SLC22A14: variants seen among roughly 807,000 people sequenced by gnomAD.
SLC22A14 encodes organic cation transporter-like 4.
SLC22A14 carries 50 observed loss-of-function variants against 53.9 expected under a neutral mutation model. The ratio of observed to expected loss-of-function variants is 0.93; its 90% CI spans 0.74 to 1.17. The LOEUF is 1.17. SLC22A14 is among the 50% of genes most tolerant of loss of function. SLC22A14 has a pLI of 0.00. For synonymous variants in SLC22A14, 312 were observed against 303.0 expected, an observed-to-expected ratio of 1.03 and a Z score of -0.31; for missense variants, 671 against 734.7, an observed-to-expected ratio of 0.91 and a Z score of 1.00.
Position 38,315,587 on chromosome 3 carries a change from C to A in SLC22A14, c.1408C>A (p.Arg470Ser). 3.7e-6 allele frequency: 6 copies of A among 1,614,052 alleles called. No individual in the cohort carries two copies. Among genetic ancestry groups the A allele is most frequent in the Non-Finnish European group, 4.2e-6 (5 of 1,179,974 alleles). The change falls in exon 9 of 11, where the codon CGT becomes AGT. Residue 470 changes from arginine (R) to serine (S), a missense_variant. Arg to Ser is a moderately radical substitution (Grantham distance 110). Transcript: ENST00000448498. Reference protein sequence around the residue: ...GEDGLRLKWPRCPATELKSMT... With the variant: ...GEDGLRLKWPSCPATELKSMT... ...GGATGGCCTCAGACTCAAGTGGCCA[C>A]GTTGTCCGGCCACAGAGCTGAAATC...
intron 10 of SLC22A14, 141 bp downstream of exon 10, chr3:38,316,665 C>A (rs1411368703): frequency 5.6e-6 from 4 of 715,216 alleles, no homozygotes; most frequent in South Asian, 1.8e-5. Flanking sequence ...CCGCAGCAGT[C>A]TCTCCGCTCC....
chr3:38,292,287 G>T (rs562156994), intron 1 of SLC22A14, among the ~76,000 whole-genome samples: 4 of 152,192 alleles, frequency 2.6e-5, no homozygotes, highest in Non-Finnish European at 5.9e-5. Context: ...TGAGATGTTG[G>T]GTTAGAAGGA....
At chr3:38,305,916 C>T in intron 1 of SLC22A14, 111 bp from the exon 2 acceptor site, 2 of 1,037,582 alleles carry the variant, frequency 1.9e-6, no homozygotes, top group Non-Finnish European at 1.4e-6. Context: ...AGGTTGGAAT[C>T]CATATTGCTT....
At position 38,316,470 on chromosome 3, in the gene SLC22A14, C is replaced by T. The variant is rs240033; in HGVS notation, c.1679C>T (p.Pro560Leu). Residue 560 changes from proline to leucine, a missense_variant, in exon 10 of 11, where the codon CCG (proline) becomes CTG (leucine). Physicochemically the swap from Pro to Leu is moderately conservative, Grantham distance 98. Transcript: ENST00000448498. Reference protein sequence around the residue: ...IVAFSLSSLLPETRDQPLSES... With the variant: ...IVAFSLSSLLLETRDQPLSES... ...GCCTTTTCCCTCTCCTCCCTGCTGC[C>T]GGAAACGCGAGATCAGCCCCTCTCC... The T allele has an allele frequency of 5.0e-5, 81 of 1,613,860 alleles. No homozygotes were observed. In the African/African-American group the frequency reaches 8.1e-4, roughly 16 times the overall value.
rs762300647 is a variant in SLC22A14, at chr3:38,316,430, G to T, written c.1639G>T (p.Val547Phe). 1.9e-6 allele frequency: 3 copies of T among 1,614,132 alleles called. No individual in the cohort carries two copies. Among genetic ancestry groups the T allele is most frequent in the South Asian group, 2.2e-5 (2 of 91,082 alleles). Residue 547 changes from valine (V) to phenylalanine (F), a missense_variant, in exon 10 of 11, where the codon GTC (valine) becomes TTC (phenylalanine). Coordinates refer to ENST00000448498, the MANE Select transcript of SLC22A14 (RefSeq NM_001320033.2). ...CCTCCTGCCCATCTTTCTCTGCTGC[G>T]TCTTAGCCATCGTGGCCTTTTCCCT... ...PSLLPIFLCC[V>F]LAIVAFSLSS...
intron 1 of SLC22A14, among the ~76,000 whole-genome samples, chr3:38,296,742 G>C (rs1368220527): frequency 1.3e-5 from 2 of 152,210 alleles, no homozygotes; most frequent in Non-Finnish European, 2.9e-5. Flanking sequence ...GGTCACAGAA[G>C]AGAGCCGTGG....
chr3:38,318,011 A>G (rs1704668258), intron 10 of SLC22A14, among the ~76,000 whole-genome samples, 187 bp from the exon 11 acceptor site: 3 of 152,294 alleles, frequency 2.0e-5, no homozygotes, highest in South Asian at 4.1e-4. Flanking sequence ...GGGTCTCGCA[A>G]GGGTTGGGAG....
chr3:38,284,160 G>A (rs554675308), intron 1 of SLC22A14, among the ~76,000 whole-genome samples: 27 of 152,288 alleles, frequency 1.8e-4, no homozygotes, highest in Admixed American at 5.9e-4. Flanking sequence ...CGTGTGACTG[G>A]TAGAAAACTA....
chr3:38,293,987 A>G (rs1009842790), intron 1 of SLC22A14, among the ~76,000 whole-genome samples: 5 of 152,184 alleles, frequency 3.3e-5, no homozygotes, highest in Non-Finnish European at 7.3e-5. Flanking sequence ...CAATATAGCC[A>G]TCTGGGTTAT....
At chr3:38,316,986 C>T (rs1224564014) in intron 10 of SLC22A14, among the ~76,000 whole-genome samples, 1 of 152,238 alleles carries the variant, frequency 6.6e-6, no homozygotes, top group African/African-American at 2.4e-5. Flanking sequence ...GCCCCAGCAG[C>T]CCAGGACCCC....
intron 1 of SLC22A14, among the ~76,000 whole-genome samples, chr3:38,289,752 G>A (rs1703871182): frequency 6.6e-6 from 1 of 152,232 alleles, no homozygotes; most frequent in Non-Finnish European, 1.5e-5. Flanking sequence ...AGATCCGGAG[G>A]GGTGGAAGTC....
chr3:38,290,270 G>A (rs913066517), intron 1 of SLC22A14, among the ~76,000 whole-genome samples: 16 of 152,156 alleles, frequency 1.1e-4, no homozygotes, highest in Admixed American at 9.8e-4. Context: ...GGCGTAGTAG[G>A]GGTCATGCAG....
intron 7 of SLC22A14, 46 bp downstream of exon 7, chr3:38,313,531 G>C: frequency 7.3e-7 from 1 of 1,376,140 alleles, no homozygotes. Context: ...CAGGTGCGCA[G>C]GCTGGAAACT....
chr3:38,310,496 T>C (rs1704439787), intron 5 of SLC22A14, among the ~76,000 whole-genome samples: 1 of 152,214 alleles, frequency 6.6e-6, no homozygotes, highest in South Asian at 2.1e-4. Flanking sequence ...TGACCTATTG[T>C]TCTTCCTCCT....
intron 1 of SLC22A14, among the ~76,000 whole-genome samples, chr3:38,298,946 CAT>C (rs1394406999): frequency 2.6e-5 from 4 of 152,190 alleles, no homozygotes; most frequent in Non-Finnish European, 4.4e-5. Flanking sequence ...ATATTATACA[CAT>C]AGTTTCAGAA....
In SLC22A14 at chr3:38,295,878, G is replaced by A. The variant is rs149880953; in HGVS notation, c.1-10149G>A. On this transcript the variant is annotated intron_variant, in intron 1 of 10. Transcript: ENST00000448498. Reference sequence around the variant, plus strand: ...AACTTGGGGCCCTGGCAAGGATGGTGGGGAATGGGTTTCACATAACTGCCC... The same window carrying A: ...AACTTGGGGCCCTGGCAAGGATGGTAGGGAATGGGTTTCACATAACTGCCC... 4.1e-3 allele frequency among the ~76,000 whole-genome samples: 624 copies of A among 151,928 alleles called. 9 individuals are homozygous for A. The highest frequency in any genetic ancestry group is 0.012 in the East Asian group (60 of 5,160).
chr3:38,281,606 T>A (rs9819323), upstream of SLC22A14, among the ~76,000 whole-genome samples: 1,335 of 152,284 alleles, frequency 8.8e-3, 14 homozygotes, highest in African/African-American at 0.031. Flanking sequence ...TAATCCATGA[T>A]TGGTGATTCA....
At chr3:38,302,880 T>A (rs1345546477) in intron 1 of SLC22A14, among the ~76,000 whole-genome samples, 1 of 152,190 alleles carries the variant, frequency 6.6e-6, no homozygotes, top group African/African-American at 2.4e-5. Context: ...TAAATTGGAC[T>A]TCCTTTGTGG....
intron 1 of SLC22A14, among the ~76,000 whole-genome samples, chr3:38,295,526 G>A (rs921692654): frequency 2.0e-4 from 30 of 151,044 alleles, no homozygotes; most frequent in African/African-American, 6.4e-4. Context: ...TTCAGGTTAC[G>A]TCCTTGTTTA....
Sources: allele counts gnomAD v4.1 joint callset (sites outside exome capture counted in the v4.1 genomes callset), GRCh38; gene constraint gnomAD v4.1.1; transcripts MANE v1.5; gene names NCBI Gene and HGNC (gene_info 2026-07-23, HGNC 2026-07-21).